Variants in GAREM1 observed in about 807,000 individuals in gnomAD.
GAREM1 encodes the protein GRB2 associated regulator of MAPK1 subtype 1.
In GAREM1, 26 loss-of-function variants were observed where a neutral mutation model predicts 71.3. That is an observed-to-expected ratio of 0.36 (90% confidence interval 0.27 to 0.51). The LOEUF (loss-of-function observed/expected upper bound fraction) is 0.51. Ranked by LOEUF, GAREM1 falls within the 20% of genes least tolerant of loss-of-function variation. The probability of loss-of-function intolerance (pLI) is 0.95; values close to 1 mark genes in which losing one functional copy is unlikely to be tolerated. For synonymous variants in GAREM1, 440 were observed against 433.2 expected (o/e 1.02, Z -0.20); for missense variants, 1,026 against 1,103.1 (o/e 0.93, Z 0.99).
At chr18:32,368,695 C>T (rs1441755326) in intron 2 of GAREM1, among the ~76,000 whole-genome samples, 1 of 152,216 alleles carries the variant, frequency 6.6e-6, no homozygotes, top group African/African-American at 2.4e-5. Context: ...TATAGAGACC[C>T]TCTACAACCT....
rs57681725 is a variant in GAREM1 at position 32,305,061 on chromosome 18, C to A, written c.393+5132G>T. ...AAAGCCTATTACAGTTAAAAAAAAA[C>A]CCCACAAATATGCAGGAAAACAAGT... On this transcript the variant is annotated intron_variant, in intron 3 of 5. Coordinates refer to ENST00000269209, the MANE Select transcript of GAREM1 (RefSeq NM_001242409.2). 1.0e-2 allele frequency among the ~76,000 whole-genome samples: 1,513 copies of A among 151,506 alleles called. 29 individuals are homozygous for A. The highest frequency in any genetic ancestry group is 0.033 in the African/African-American group (1,378 of 41,328).
chr18:32,393,421 G>A (rs1408793090), intron 1 of GAREM1, among the ~76,000 whole-genome samples: 4 of 152,098 alleles, frequency 2.6e-5, no homozygotes, highest in Non-Finnish European at 5.9e-5. Flanking sequence ...TAGGTAAAAG[G>A]TAATGCTCCT....
At chr18:32,319,247 T>C (rs1323634676) in intron 2 of GAREM1, among the ~76,000 whole-genome samples, 2 of 152,156 alleles carry the variant, frequency 1.3e-5, no homozygotes, top group African/African-American at 4.8e-5. Flanking sequence ...GATCAGCAAT[T>C]CTCAAGTGAC....
chr18:32,410,444 G>T lies in GAREM1; in HGVS notation c.122-17409C>A, dbSNP rs563574603. 1.1e-4 allele frequency among the ~76,000 whole-genome samples: 16 copies of T among 152,204 alleles called. No homozygotes were observed. In the South Asian group the frequency reaches 1.7e-3, roughly 16 times the overall value. The stretch of plus-strand genomic sequence containing the variant: ...GCTCAATGCAGCCATGAACTCCTGG[G>T]CTCAATGATTCTCCTGCCTTAGCCT... On this transcript the variant is annotated intron_variant, in intron 1 of 5. Coordinates refer to ENST00000269209, the MANE Select transcript of GAREM1 (RefSeq NM_001242409.2).
intron 2 of GAREM1, among the ~76,000 whole-genome samples, chr18:32,381,585 G>A (rs2048098778): frequency 6.6e-6 from 1 of 151,970 alleles, no homozygotes; most frequent in Non-Finnish European, 1.5e-5. Flanking sequence ...TCTTTTATCA[G>A]GTCTATCTTA....
chr18:32,307,793 G>T (rs889783156), intron 3 of GAREM1, among the ~76,000 whole-genome samples: 2 of 152,148 alleles, frequency 1.3e-5, no homozygotes, highest in Non-Finnish European at 2.9e-5. Context: ...AAAGTGCTGG[G>T]ATTACAGGTG....
At chr18:32,364,026 A>ATATTTTTTT (rs1336753011) in intron 2 of GAREM1, among the ~76,000 whole-genome samples, 1 of 46,418 alleles carries the variant, frequency 2.2e-5, no homozygotes, top group African/African-American at 1.6e-4. Context: ...ATATATATAT[A>ATATTTTTTT]TGTTTTTTTT....
intron 1 of GAREM1, among the ~76,000 whole-genome samples, chr18:32,405,796 C>A (rs959411864): frequency 1.3e-5 from 2 of 152,216 alleles, no homozygotes; most frequent in African/African-American, 4.8e-5. Flanking sequence ...GATAGCACAG[C>A]TGCCAGCAGG....
At chr18:32,280,531 G>T (rs1034000098) in intron 4 of GAREM1, among the ~76,000 whole-genome samples, 6 of 152,082 alleles carry the variant, frequency 3.9e-5, no homozygotes, top group Admixed American at 3.9e-4. Context: ...AGGCACTCTA[G>T]TTCTTCAAAA....
chr18:32,368,265 C>T (rs1040057184), intron 2 of GAREM1, among the ~76,000 whole-genome samples: 1 of 152,040 alleles, frequency 6.6e-6, no homozygotes, highest in Non-Finnish European at 1.5e-5. Flanking sequence ...GAGTGTAGGG[C>T]CATGTCCTGC....
rs1007240453 is a variant in GAREM1, at chr18:32,309,482, G to A, written c.393+711C>T. On this transcript the variant is annotated intron_variant, in intron 3 of 5. Transcript: ENST00000269209. The stretch of plus-strand genomic sequence containing the variant: ...TACAAAAAAAATAGCTGGGCGTGGC[G>A]GTGTGTGCCTATAGCCCCAGCTGCT... 3.0e-5 allele frequency among the ~76,000 whole-genome samples: 4 copies of A among 133,536 alleles called. 1 individual carries two copies. The highest frequency in any genetic ancestry group is 8.6e-5 in the African/African-American group (3 of 34,838). The allele number at this position is 133,536 out of a possible 152,430, so 87.6% of individuals were successfully genotyped here. A position where few individuals can be genotyped will look rare whatever the true frequency, so the allele number is the denominator to read the frequency against.
At chr18:32,432,898 T>G (rs1013094201) in intron 1 of GAREM1, among the ~76,000 whole-genome samples, 14 of 152,072 alleles carry the variant, frequency 9.2e-5, no homozygotes, top group Admixed American at 6.6e-4. Flanking sequence ...ACAAGATCTC[T>G]TCAAGAAAAT....
chr18:32,468,960 T>TCCCCCCCCCCCCCCCC (rs34977174), intron 1 of GAREM1, among the ~76,000 whole-genome samples: 157 of 82,154 alleles, frequency 1.9e-3, no homozygotes, highest in African/African-American at 3.1e-3. Flanking sequence ...CACCTGTGCG[T>TCCCCCCCCCCCCCCCC]CCCCCCCCCC....
At chr18:32,310,536 C>T (rs1190772734) in intron 2 of GAREM1, among the ~76,000 whole-genome samples, 1 of 152,142 alleles carries the variant, frequency 6.6e-6, no homozygotes, top group Non-Finnish European at 1.5e-5. Context: ...AAACTGCATT[C>T]TTTTTGTTTA....
chr18:32,469,776 T>G (rs1213104329), intron 1 of GAREM1, among the ~76,000 whole-genome samples: 1 of 152,150 alleles, frequency 6.6e-6, no homozygotes, highest in Non-Finnish European at 1.5e-5. Context: ...CCCAAATTAC[T>G]TTCAGTTGGG....
intron 1 of GAREM1, among the ~76,000 whole-genome samples, chr18:32,418,580 A>G (rs2048487651): frequency 6.6e-6 from 1 of 152,318 alleles, no homozygotes; most frequent in Admixed American, 6.5e-5. Context: ...CACTTTAAGC[A>G]TGATGATATT....
intron 1 of GAREM1, among the ~76,000 whole-genome samples, chr18:32,461,090 A>G (rs1424360674): frequency 6.6e-6 from 1 of 150,744 alleles, no homozygotes; most frequent in African/African-American, 2.4e-5. Flanking sequence ...TCCAATTTAC[A>G]TATTTAAAAA....
chr18:32,274,869 G>A (rs2041516904), intron 4 of GAREM1, among the ~76,000 whole-genome samples: 1 of 151,786 alleles, frequency 6.6e-6, no homozygotes, highest in African/African-American at 2.4e-5. Context: ...TACTATCCTG[G>A]GGATAGCAGA....
intron 3 of GAREM1, among the ~76,000 whole-genome samples, chr18:32,309,804 C>T (rs1217534692): frequency 6.6e-6 from 1 of 151,868 alleles, no homozygotes; most frequent in African/African-American, 2.4e-5. Flanking sequence ...TGTATTTTTC[C>T]TCTCTTTCTT....
Sources: gnomAD v4.1 joint callset for allele counts (sites outside exome capture counted in the v4.1 genomes callset) on GRCh38, gnomAD v4.1.1 for gene constraint, MANE v1.5 for transcripts, NCBI Gene and HGNC (gene_info 2026-07-23, HGNC 2026-07-21) for gene names.